The following CSNK2A2IP variants were observed in gnomAD, a reference collection of about 807,000 sequenced individuals.
CSNK2A2IP encodes the protein casein kinase 2 subunit alpha' interacting protein, also known as casein kinase II subunit alpha'-interacting protein.
At chr3:88,389,182 A>C in the CSNK2A2IP span, among the ~76,000 whole-genome samples, 2 of 152,132 alleles carry the variant, frequency 1.3e-5, no homozygotes, top group African/African-American at 4.8e-5. Flanking sequence ...GTAAAGCTAC[A>C]ATTTAAAATA....
chr3:88,447,483 G>C, the CSNK2A2IP span, among the ~76,000 whole-genome samples: 4 of 151,990 alleles, frequency 2.6e-5, no homozygotes, highest in Admixed American at 2.6e-4. Context: ...AAAGGAAAAT[G>C]TACAAAAATA....
At chr3:88,375,235 G>T in the CSNK2A2IP span, among the ~76,000 whole-genome samples, 1 of 151,664 alleles carries the variant, frequency 6.6e-6, no homozygotes, top group Non-Finnish European at 1.5e-5. Flanking sequence ...TCAATAAAAA[G>T]TATCTCAGTT....
At chr3:88,359,031 C>T in the CSNK2A2IP span, among the ~76,000 whole-genome samples, 30 of 149,118 alleles carry the variant, frequency 2.0e-4, no homozygotes, top group South Asian at 4.3e-4. Flanking sequence ...AGTACACTTA[C>T]GCGTGCTCTT....
the CSNK2A2IP span, among the ~76,000 whole-genome samples, chr3:88,383,651 CTTTTTTTTTTTT>C: frequency 4.5e-5 from 4 of 88,566 alleles, no homozygotes; most frequent in South Asian, 1.4e-3. Context: ...TCTTTTCTTT[CTTTTTTTTTTTT>C]TTTTTTTTTT....
At chr3:88,360,372 A>T in the CSNK2A2IP span, among the ~76,000 whole-genome samples, 1 of 152,026 alleles carries the variant, frequency 6.6e-6, no homozygotes, top group African/African-American at 2.4e-5. Flanking sequence ...TGACCTTGTG[A>T]TCCACCCGCC....
the CSNK2A2IP span, among the ~76,000 whole-genome samples, chr3:88,432,720 CTT>C: frequency 6.6e-6 from 1 of 150,640 alleles, no homozygotes; most frequent in Non-Finnish European, 1.5e-5. Context: ...AAAAGAAACT[CTT>C]GAAATCTTAG....
chr3:88,384,539 G>A, the CSNK2A2IP span, among the ~76,000 whole-genome samples: 1 of 152,128 alleles, frequency 6.6e-6, no homozygotes, highest in African/African-American at 2.4e-5. Context: ...CAATAGAAGG[G>A]AAGAGTGGTG....
the CSNK2A2IP span, among the ~76,000 whole-genome samples, chr3:88,377,608 G>A: frequency 6.6e-6 from 1 of 151,352 alleles, no homozygotes; most frequent in African/African-American, 2.4e-5. Flanking sequence ...AGTAATAATA[G>A]TGAAAAATTA....
chr3:88,436,776 C>A, the CSNK2A2IP span, among the ~76,000 whole-genome samples: 1 of 152,160 alleles, frequency 6.6e-6, no homozygotes, highest in East Asian at 1.9e-4. Flanking sequence ...GGATAGTTAC[C>A]TATTGCATTG....
At chr3:88,444,912 A>G in the CSNK2A2IP span, among the ~76,000 whole-genome samples, 1 of 152,310 alleles carries the variant, frequency 6.6e-6, no homozygotes, top group Admixed American at 6.5e-5. Flanking sequence ...AGACCTGTGT[A>G]TCACATTTTA....
chr3:88,353,474 C>T, the CSNK2A2IP span, among the ~76,000 whole-genome samples: 208 of 152,290 alleles, frequency 1.4e-3, 2 homozygotes, highest in African/African-American at 4.5e-3. Context: ...AGGCCTTTCA[C>T]GTCCCTGCCA....
the CSNK2A2IP span, among the ~76,000 whole-genome samples, chr3:88,403,799 G>C: frequency 6.6e-6 from 1 of 152,186 alleles, no homozygotes; most frequent in East Asian, 1.9e-4. Flanking sequence ...ATTCTAAATT[G>C]TTTTAAACGA....
the CSNK2A2IP span, among the ~76,000 whole-genome samples, chr3:88,367,589 T>C: frequency 6.6e-6 from 1 of 152,076 alleles, no homozygotes; most frequent in African/African-American, 2.4e-5. Flanking sequence ...GAAATCTGTG[T>C]TTTCAAAACT....
the CSNK2A2IP span, among the ~76,000 whole-genome samples, chr3:88,458,141 G>GGTTT: frequency 1.2e-5 from 1 of 83,304 alleles, no homozygotes; most frequent in Non-Finnish European, 2.2e-5. Context: ...TGTAATTGTG[G>GGTTT]TTTTTTTTTT....
chr3:88,393,985 A>T, the CSNK2A2IP span, among the ~76,000 whole-genome samples: 1 of 152,198 alleles, frequency 6.6e-6, no homozygotes, highest in African/African-American at 2.4e-5. Flanking sequence ...CAAAGACCCA[A>T]TTCTACATAA....
chr3:88,367,215 T>C, the CSNK2A2IP span, among the ~76,000 whole-genome samples: 1 of 152,216 alleles, frequency 6.6e-6, no homozygotes, highest in African/African-American at 2.4e-5. Context: ...CTTCCCGATA[T>C]ACACAAATAG....
the CSNK2A2IP span, among the ~76,000 whole-genome samples, chr3:88,393,037 T>A: frequency 6.6e-6 from 1 of 152,142 alleles, no homozygotes; most frequent in Non-Finnish European, 1.5e-5. Flanking sequence ...TTGCCCTTTG[T>A]ATCAGGAGGA....
the CSNK2A2IP span, among the ~76,000 whole-genome samples, chr3:88,419,039 A>C: frequency 6.6e-6 from 1 of 152,134 alleles, no homozygotes; most frequent in African/African-American, 2.4e-5. Context: ...CTAATACCTG[A>C]TGATCTGTCA....
chr3:88,453,324 G>A, the CSNK2A2IP span, among the ~76,000 whole-genome samples: 2 of 152,038 alleles, frequency 1.3e-5, no homozygotes, highest in African/African-American at 4.8e-5. Context: ...GGCAGGCAGG[G>A]GTTGATATGG....
Sources: gnomAD v4.1 joint callset for allele counts (sites outside exome capture counted in the v4.1 genomes callset) on GRCh38, gnomAD v4.1.1 for gene constraint, MANE v1.5 for transcripts, NCBI Gene and HGNC (gene_info 2026-07-23, HGNC 2026-07-21) for gene names.